AFF3: variants seen among roughly 807,000 people sequenced by gnomAD.
The protein encoded by AFF3 is AF4/FMR2 family member 3.
Under a neutral mutation model 129.7 loss-of-function variants are expected in AFF3, and 32 were observed. That is an observed-to-expected ratio of 0.25 (90% CI 0.19 to 0.33). The LOEUF (loss-of-function observed/expected upper bound fraction) is 0.33, where lower values mean the gene tolerates loss of function less well. Among genes scored for constraint, AFF3 ranks in the 10% least tolerant of loss-of-function variants. The pLI, the probability that AFF3 is intolerant of heterozygous loss-of-function variation, is 1.00. For missense variants in AFF3, 1,373 were observed against 1,592.0 expected (o/e 0.86, Z 2.34); for synonymous variants, 644 against 635.4 (o/e 1.01, Z -0.20).
At chr2:99,895,269 C>T (rs1006760038) in intron 7 of AFF3, among the ~76,000 whole-genome samples, 1 of 152,220 alleles carries the variant, frequency 6.6e-6, no homozygotes, top group Non-Finnish European at 1.5e-5. Flanking sequence ...AAGACAATGC[C>T]TGTGTCCAAT....
chr2:99,992,774 T>A (rs944739387), intron 7 of AFF3, among the ~76,000 whole-genome samples: 1 of 152,232 alleles, frequency 6.6e-6, no homozygotes, highest in African/African-American at 2.4e-5. Context: ...AAGTCGTAAG[T>A]GAGATAAACC....
chr2:99,877,749 CTAAA>C (rs1209510927), intron 7 of AFF3, among the ~76,000 whole-genome samples: 2 of 152,142 alleles, frequency 1.3e-5, no homozygotes, highest in African/African-American at 2.4e-5. Flanking sequence ...ATGAAGGTTG[CTAAA>C]TAGAGACTAG....
chr2:99,751,688 C>T (rs1026199820), intron 9 of AFF3, among the ~76,000 whole-genome samples: 1 of 151,992 alleles, frequency 6.6e-6, no homozygotes, highest in Non-Finnish European at 1.5e-5. Flanking sequence ...CAAAGAAAGC[C>T]TATTAGACTC....
At chr2:100,008,687 C>T in intron 5 of AFF3, 125 bp downstream of exon 5, 1 of 1,239,638 alleles carries the variant, frequency 8.1e-7, no homozygotes. Context: ...GAGCTGTCTT[C>T]CCTGGGCTGA....
chr2:99,768,783 GT>G (rs995254655), intron 8 of AFF3, among the ~76,000 whole-genome samples: 100 of 152,078 alleles, frequency 6.6e-4, no homozygotes, highest in Admixed American at 3.3e-3. Context: ...TGGGGTAAAA[GT>G]TTTTTTTCCT....
intron 13 of AFF3, among the ~76,000 whole-genome samples, chr2:99,603,957 C>A (rs757504335): frequency 6.6e-6 from 1 of 152,042 alleles, no homozygotes. Context: ...CTGGCTATTA[C>A]GTAAAAATCC....
intron 4 of AFF3, among the ~76,000 whole-genome samples, chr2:100,080,266 A>T (rs1559111447): frequency 6.6e-6 from 1 of 152,202 alleles, no homozygotes; most frequent in African/African-American, 2.4e-5. Context: ...GGTTATTATG[A>T]GGACTAGAGA....
At chr2:99,659,225 C>T (rs891747377) in intron 12 of AFF3, among the ~76,000 whole-genome samples, 2 of 152,124 alleles carry the variant, frequency 1.3e-5, no homozygotes, top group African/African-American at 2.4e-5. Flanking sequence ...TGCCTGTTCT[C>T]AGAATCAGGT....
rs183834528 is a variant in AFF3 at position 99,997,868 on chromosome 2, C to T, written c.873+8764G>A. On this transcript the variant is annotated intron_variant, in intron 7 of 24. Coordinates refer to ENST00000672756, the MANE Select transcript of AFF3 (RefSeq NM_001386135.1). ...CTAACTCTACCACGTCCCAGCCTCA[C>T]TGTTCTCCTGCTCACATCTCAATGT... Among the ~76,000 whole-genome samples, 559 of 152,312 alleles carry T rather than the reference C, an allele frequency of 3.7e-3. 5 individuals are homozygous for T. Among genetic ancestry groups the T allele is most frequent in the African/African-American group, 0.013 (528 of 41,564 alleles).
Position 99,795,076 on chromosome 2 carries a change from C to T in AFF3, c.921+42401G>A, listed in dbSNP as rs145148559. Among the ~76,000 whole-genome samples the T allele has an allele frequency of 2.6e-4, 39 of 152,182 alleles. 1 individual carries two copies. Among genetic ancestry groups the T allele is most frequent in the South Asian group, 1.7e-3 (8 of 4,828 alleles). On this transcript the variant is annotated intron_variant, in intron 8 of 24. Transcript: ENST00000672756. ...TATTTCTGAAGTGCTAAAATGCTAACCAGAAGAAGTGCTGGTGATTCACAA... is the reference window on the plus strand; with the variant it reads ...TATTTCTGAAGTGCTAAAATGCTAATCAGAAGAAGTGCTGGTGATTCACAA...
intron 7 of AFF3, among the ~76,000 whole-genome samples, chr2:99,935,482 C>T (rs1674441479): frequency 6.6e-6 from 1 of 152,162 alleles, no homozygotes; most frequent in African/African-American, 2.4e-5. Flanking sequence ...GTACTAAGAA[C>T]AAAGTACCAT....
intron 7 of AFF3, among the ~76,000 whole-genome samples, chr2:99,975,730 C>A (rs59338344): frequency 6.8e-6 from 1 of 147,694 alleles, no homozygotes; most frequent in Non-Finnish European, 1.5e-5. Context: ...TTGCCAACAT[C>A]TCACTCATTA....
rs60456923 is a variant in AFF3 at position 100,014,783 on chromosome 2, C to CTT, written c.54-5853_54-5852dup. Among the ~76,000 whole-genome samples the CTT allele has an allele frequency of 7.9e-3, 954 of 120,378 alleles. 32 individuals are homozygous for CTT. Among genetic ancestry groups the CTT allele is most frequent in the African/African-American group, 0.03 (892 of 30,116 alleles). 79.0% of individuals were successfully genotyped at this position (120,378 alleles called of 152,430 possible). A position where few individuals can be genotyped will look rare whatever the true frequency, so the allele number is the denominator to read the frequency against. On this transcript the variant is annotated intron_variant, in intron 4 of 24. Coordinates refer to ENST00000672756, the MANE Select transcript of AFF3 (RefSeq NM_001386135.1). Reference sequence around the variant, plus strand: ...CCATACCTCCATACCACCTTGCTTCCTTTTTTTTTTTTTTTTTTTAGACGG... The same window carrying CTT: ...CCATACCTCCATACCACCTTGCTTCCTTTTTTTTTTTTTTTTTTTTTAGACGG...
chr2:100,138,118 T>A (rs996253759), intron 1 of AFF3, among the ~76,000 whole-genome samples: 18 of 152,180 alleles, frequency 1.2e-4, no homozygotes, highest in African/African-American at 4.3e-4. Flanking sequence ...CATTTGTGAT[T>A]TTTTTGCTGT....
chr2:99,832,831 G>A (rs1025186492), intron 8 of AFF3, among the ~76,000 whole-genome samples: 1 of 152,072 alleles, frequency 6.6e-6, no homozygotes, highest in Non-Finnish European at 1.5e-5. Flanking sequence ...ATATATTAAT[G>A]GCGCACCTCT....
At chr2:99,777,163 G>T (rs1683967969) in intron 8 of AFF3, among the ~76,000 whole-genome samples, 2 of 152,140 alleles carry the variant, frequency 1.3e-5, no homozygotes, top group Non-Finnish European at 2.9e-5. Context: ...AAGCAGGCAG[G>T]GTGTGAGCAT....
intron 4 of AFF3, among the ~76,000 whole-genome samples, chr2:100,103,633 G>A (rs1690933556): frequency 6.6e-6 from 1 of 151,972 alleles, no homozygotes; most frequent in Admixed American, 6.6e-5. Flanking sequence ...ACCTACAGCA[G>A]CTCCCCAGTG....
intron 4 of AFF3, among the ~76,000 whole-genome samples, chr2:100,086,993 A>G (rs990953076): frequency 5.9e-5 from 9 of 152,238 alleles, no homozygotes; most frequent in Non-Finnish European, 1.2e-4. Flanking sequence ...CTGAAGCTCA[A>G]CCCTAGGGCC....
intron 13 of AFF3, among the ~76,000 whole-genome samples, chr2:99,649,152 A>G (rs1685000551): frequency 6.6e-6 from 1 of 152,170 alleles, no homozygotes; most frequent in Admixed American, 6.5e-5. Flanking sequence ...CGCCAAAGCA[A>G]GGAGTAAAAA....
Sources: allele counts gnomAD v4.1 joint callset (sites outside exome capture counted in the v4.1 genomes callset), GRCh38; gene constraint gnomAD v4.1.1; transcripts MANE v1.5; gene names NCBI Gene and HGNC (gene_info 2026-07-23, HGNC 2026-07-21).